The following ATG5 variants were observed in gnomAD, a reference collection of about 807,000 sequenced individuals.
ATG5 encodes the protein autophagy protein 5.
ATG5 carries 14 observed loss-of-function variants against 36.5 expected under a neutral mutation model. The ratio of observed to expected loss-of-function variants is 0.38; its 90% CI spans 0.25 to 0.60. The LOEUF (loss-of-function observed/expected upper bound fraction) is 0.60, where lower values mean the gene tolerates loss of function less well. ATG5 is among the 20% of genes least tolerant of loss of function. ATG5 has a pLI of 0.60. For missense variants in ATG5, 195 were observed against 326.7 expected, an observed-to-expected ratio of 0.60 and a Z score of 3.11; for synonymous variants, 95 against 101.5, an observed-to-expected ratio of 0.94 and a Z score of 0.38.
intron 5 of ATG5, among the ~76,000 whole-genome samples, chr6:106,279,084 CTGTT>C (rs1255123649): frequency 1.3e-5 from 2 of 152,174 alleles, no homozygotes; most frequent in African/African-American, 4.8e-5. Context: ...CATAAAATAA[CTGTT>C]TGAAGGCACT....
intron 5 of ATG5, among the ~76,000 whole-genome samples, chr6:106,257,400 G>GT (rs1478811587): frequency 6.6e-6 from 1 of 152,196 alleles, no homozygotes; most frequent in East Asian, 1.9e-4. Flanking sequence ...GTTTATGACA[G>GT]TATCACCACA....
Position 106,316,129 on chromosome 6 carries a change from A to G in ATG5, c.80T>C (p.Ile27Thr), listed in dbSNP as rs779035963. The part of the protein sequence containing the change: ...PTCFTLYQDE[I>T]TEREAEPYYL... ...GTATGGTTCTGCTTCCCTTTCAGTTATCTCATCCTGATATAGCGTGAAACA... is the reference window on the plus strand; with the variant it reads ...GTATGGTTCTGCTTCCCTTTCAGTTGTCTCATCCTGATATAGCGTGAAACA... Residue 27 changes from isoleucine to threonine, a missense_variant, in exon 2 of 8, where the codon ATA (isoleucine) becomes ACA (threonine). By Grantham distance (89) the Ile-to-Thr change is moderately conservative. Transcript: ENST00000369076. The G allele has an allele frequency of 6.8e-6, 11 of 1,613,388 alleles. No homozygotes were observed. The South Asian group carries it at 7.7e-5, about 11-fold the overall frequency.
At chr6:106,214,801 G>A (rs73522625) in intron 6 of ATG5, among the ~76,000 whole-genome samples, 13,023 of 152,104 alleles carry the variant, frequency 0.086, 590 homozygotes, top group South Asian at 0.13. Flanking sequence ...TTTGATGCTT[G>A]TTATAAGCCC....
intron 5 of ATG5, among the ~76,000 whole-genome samples, chr6:106,262,958 C>T (rs569781569): frequency 2.0e-5 from 3 of 152,316 alleles, no homozygotes; most frequent in South Asian, 2.1e-4. Context: ...GAGTCTTTTT[C>T]GTACTTCAGT....
At chr6:106,308,263 T>C in intron 3 of ATG5, 101 bp downstream of exon 3, 1 of 1,034,412 alleles carries the variant, frequency 9.7e-7, no homozygotes, top group Non-Finnish European at 1.3e-6. Flanking sequence ...GACTAATGAC[T>C]TCTATCCTCG....
chr6:106,293,595 C>T (rs1288186859), intron 3 of ATG5, among the ~76,000 whole-genome samples: 1 of 152,214 alleles, frequency 6.6e-6, no homozygotes, highest in African/African-American at 2.4e-5. Flanking sequence ...CTTCTACCTA[C>T]ACATACATAT....
chr6:106,212,080 G>C (rs1776873123), intron 6 of ATG5, among the ~76,000 whole-genome samples: 1 of 152,230 alleles, frequency 6.6e-6, no homozygotes, highest in Non-Finnish European at 1.5e-5. Context: ...GATTAATCAA[G>C]AATATAATTA....
intron 6 of ATG5, among the ~76,000 whole-genome samples, chr6:106,247,800 G>A (rs1778403377): frequency 6.6e-6 from 1 of 152,168 alleles, no homozygotes; most frequent in South Asian, 2.1e-4. Context: ...AGAAGGTAGA[G>A]CCTCGCTTTG....
chr6:106,300,874 AC>A (rs1770180672), intron 3 of ATG5, among the ~76,000 whole-genome samples: 1 of 151,970 alleles, frequency 6.6e-6, no homozygotes, highest in African/African-American at 2.4e-5. Flanking sequence ...TCCTTTTACC[AC>A]CTGTCCTGAA....
chr6:106,191,958 A>C lies in ATG5; in HGVS notation c.692-5282T>G, dbSNP rs1775981712. ...GCTGTAAGAATTTGGCCTCATGGTA[A>C]TACCTCCTGAATTATTCAGTTCCAT... On this transcript the variant is annotated intron_variant, in intron 7 of 7. Transcript: ENST00000369076. Among the ~76,000 whole-genome samples the C allele has an allele frequency of 1.3e-5, 2 of 152,194 alleles. 1 individual carries two copies. The highest frequency in any genetic ancestry group is 4.1e-4 in the South Asian group (2 of 4,832).
intron 1 of ATG5, among the ~76,000 whole-genome samples, chr6:106,318,675 A>C (rs1312793466): frequency 6.6e-6 from 1 of 152,248 alleles, no homozygotes; most frequent in African/African-American, 2.4e-5. Flanking sequence ...GGTATAATGT[A>C]GTAGAGCTGA....
At chr6:106,200,711 A>C (rs1430768219) in intron 7 of ATG5, among the ~76,000 whole-genome samples, 2 of 152,068 alleles carry the variant, frequency 1.3e-5, no homozygotes, top group African/African-American at 4.8e-5. Flanking sequence ...CGATCTCCTG[A>C]CCTCGTGATC....
intron 5 of ATG5, among the ~76,000 whole-genome samples, chr6:106,260,319 A>G (rs999920465): frequency 3.3e-5 from 5 of 152,214 alleles, no homozygotes; most frequent in African/African-American, 1.2e-4. Context: ...TGGAATTTGA[A>G]ATTTAACTAC....
intron 6 of ATG5, among the ~76,000 whole-genome samples, chr6:106,225,460 A>G (rs149556656): frequency 6.6e-6 from 1 of 152,296 alleles, no homozygotes; most frequent in African/African-American, 2.4e-5. Flanking sequence ...TATTTTATAA[A>G]TAATTAGAAA....
At chr6:106,291,867 G>A (rs575292359) in intron 4 of ATG5, among the ~76,000 whole-genome samples, 39 of 152,316 alleles carry the variant, frequency 2.6e-4, no homozygotes, top group African/African-American at 9.1e-4. Context: ...GGTAACTAAC[G>A]TGTTTAATAA....
chr6:106,238,498 T>G (rs1410667568), intron 6 of ATG5, among the ~76,000 whole-genome samples: 1 of 152,160 alleles, frequency 6.6e-6, no homozygotes, highest in Non-Finnish European at 1.5e-5. Context: ...CATCTCCTAT[T>G]AACACACCAG....
intron 7 of ATG5, among the ~76,000 whole-genome samples, chr6:106,200,217 C>T (rs1776364858): frequency 6.6e-6 from 1 of 152,084 alleles, no homozygotes; most frequent in African/African-American, 2.4e-5. Flanking sequence ...GCTGGAATAC[C>T]ACAACATTAC....
intron 1 of ATG5, among the ~76,000 whole-genome samples, chr6:106,323,138 C>T (rs1367005206): frequency 1.3e-5 from 2 of 151,938 alleles, no homozygotes; most frequent in African/African-American, 4.8e-5. Flanking sequence ...GGGGTTTCAC[C>T]GTGTTAGCCA....
intron 3 of ATG5, among the ~76,000 whole-genome samples, chr6:106,299,135 G>A (rs376065896): frequency 1.8e-4 from 27 of 152,190 alleles, no homozygotes; most frequent in African/African-American, 5.8e-4. Context: ...CCCTTGGTAC[G>A]TGTGGGGATT....
Sources: allele counts gnomAD v4.1 joint callset (sites outside exome capture counted in the v4.1 genomes callset), GRCh38; gene constraint gnomAD v4.1.1; transcripts MANE v1.5; gene names NCBI Gene and HGNC (gene_info 2026-07-23, HGNC 2026-07-21).